SLC44A1: variants seen among roughly 807,000 people sequenced by gnomAD.
SLC44A1 encodes the protein choline transporter-like protein 1.
SLC44A1 carries 26 observed loss-of-function variants against 79.3 expected under a neutral mutation model. The observed-to-expected ratio is 0.33, with a 90% CI of 0.24 to 0.46. SLC44A1 has a LOEUF of 0.46. Ranked by LOEUF, SLC44A1 falls within the 20% of genes least tolerant of loss-of-function variation. The pLI, the probability that SLC44A1 is intolerant of heterozygous loss-of-function variation, is 1.00. For missense variants in SLC44A1, 688 were observed against 798.1 expected, an observed-to-expected ratio of 0.86 and a Z score of 1.66; for synonymous variants, 263 against 286.2, an observed-to-expected ratio of 0.92 and a Z score of 0.82.
chr9:105,431,003 A>T (rs1238568717), intron 15 of SLC44A1, among the ~76,000 whole-genome samples: 1 of 152,104 alleles, frequency 6.6e-6, no homozygotes, highest in Admixed American at 6.6e-5. Context: ...TTTGTTTTGC[A>T]TTTTCCTTAT....
intron 1 of SLC44A1, among the ~76,000 whole-genome samples, chr9:105,273,553 T>C (rs140307233): frequency 6.6e-6 from 1 of 152,356 alleles, no homozygotes; most frequent in African/African-American, 2.4e-5. Context: ...GATGCTGGGC[T>C]CTTATATCAT....
intron 2 of SLC44A1, among the ~76,000 whole-genome samples, chr9:105,307,096 A>G (rs973004490): frequency 2.0e-5 from 3 of 152,130 alleles, no homozygotes; most frequent in East Asian, 1.9e-4. Context: ...CCTAACAGCT[A>G]CCATTTATTG....
intron 3 of SLC44A1, among the ~76,000 whole-genome samples, chr9:105,322,729 T>C (rs1359483616): frequency 6.6e-6 from 1 of 152,204 alleles, no homozygotes. Flanking sequence ...TGAAGAAAGC[T>C]ACATTTAGAT....
chr9:105,365,585 A>T lies in SLC44A1; in HGVS notation c.1356A>T (p.Leu452Phe). Reference protein sequence around the residue: ...TVAKGSFIITLVKIPRMILMY... With the variant: ...TVAKGSFIITFVKIPRMILMY... Reference sequence around the variant, plus strand: ...CAAAAGGATCTTTCATTATCACATTAGTCAAAATTCCGCGAATGATCCTTA... The same window carrying T: ...CAAAAGGATCTTTCATTATCACATTTGTCAAAATTCCGCGAATGATCCTTA... Residue 452 changes from leucine (L) to phenylalanine (F), a missense_variant, in exon 11 of 16, where the codon TTA (leucine) becomes TTT (phenylalanine). Leu to Phe is a conservative substitution (Grantham distance 22). Transcript: ENST00000374720. The T allele has an allele frequency of 6.2e-7, 1 of 1,613,736 alleles. No individual in the cohort carries two copies. The highest frequency in any genetic ancestry group is 8.5e-7 in the Non-Finnish European group (1 of 1,179,646).
chr9:105,342,665 A>G (rs949905740), intron 4 of SLC44A1, among the ~76,000 whole-genome samples: 3 of 152,146 alleles, frequency 2.0e-5, no homozygotes, highest in African/African-American at 2.4e-5. Flanking sequence ...ACTTCACTCC[A>G]CTGTCCCCAT....
rs139615898 is a variant in SLC44A1 at position 105,356,905 on chromosome 9, T to A, written c.670+524T>A. 1.5e-3 allele frequency among the ~76,000 whole-genome samples: 222 copies of A among 152,258 alleles called. 1 individual carries two copies. The highest frequency in any genetic ancestry group is 0.014 in the Middle Eastern group (4 of 294). ...CTGAGTTTTCTAGTCAATAAATAGA[T>A]AATAAATCAAACAAAAATGTTATTT... On this transcript the variant is annotated intron_variant, in intron 6 of 15. Coordinates refer to ENST00000374720, the MANE Select transcript of SLC44A1 (RefSeq NM_080546.5).
chr9:105,395,914 G>A lies in SLC44A1; in HGVS notation c.*6858G>A, dbSNP rs1053430003. On this transcript the variant is annotated 3_prime_UTR_variant, in exon 16 of 16. Coordinates refer to ENST00000374720, the MANE Select transcript of SLC44A1 (RefSeq NM_080546.5). Reference sequence around the variant, plus strand: ...CGGTGGTGACTTTTTTTTTTTTTTTGTAAATTGTATTAGATACCCCACAGG... The same window carrying A: ...CGGTGGTGACTTTTTTTTTTTTTTTATAAATTGTATTAGATACCCCACAGG... The A allele has an allele frequency of 1.2e-6, 1 of 860,282 alleles. No homozygotes were observed. Among genetic ancestry groups the A allele is most frequent in the Non-Finnish European group, 1.3e-6 (1 of 743,692 alleles). 53.3% of individuals were successfully genotyped at this position (860,282 alleles called of 1,614,324 possible).
chr9:105,292,617 A>G (rs1456992342), intron 1 of SLC44A1, among the ~76,000 whole-genome samples: 1 of 152,214 alleles, frequency 6.6e-6, no homozygotes, highest in African/African-American at 2.4e-5. Context: ...CTGAAAGATC[A>G]TTTTAATGTT....
At chr9:105,419,014 G>A (rs1236517694) in intron 15 of SLC44A1, among the ~76,000 whole-genome samples, 1 of 152,156 alleles carries the variant, frequency 6.6e-6, no homozygotes, top group African/African-American at 2.4e-5. Context: ...ATGCCAAGAT[G>A]TTGGCAGATT....
chr9:105,356,472 A>G, intron 6 of SLC44A1, 91 bp downstream of exon 6: 1 of 820,538 alleles, frequency 1.2e-6, no homozygotes, highest in Non-Finnish European at 1.9e-6. Context: ...AACTGGGGAT[A>G]CTTGTAAAAT....
chr9:105,346,501 G>C lies in SLC44A1; in HGVS notation c.407-1857G>C, dbSNP rs190505199. ...TCTTGGACTCTGAAAGAAATAAGTT[G>C]ACAATTCAGATCAGGAAGTTGATAA... On this transcript the variant is annotated intron_variant, in intron 4 of 15. Coordinates refer to ENST00000374720, the MANE Select transcript of SLC44A1 (RefSeq NM_080546.5). Among the ~76,000 whole-genome samples, 16 of 152,202 alleles carry C rather than the reference G, an allele frequency of 1.1e-4. No individual in the cohort carries two copies. In the East Asian group the frequency reaches 1.5e-3, roughly 15 times the overall value.
chr9:105,348,664 T>C (rs1827313851), intron 5 of SLC44A1, among the ~76,000 whole-genome samples: 1 of 152,088 alleles, frequency 6.6e-6, no homozygotes, highest in African/African-American at 2.4e-5. Context: ...TGTTCTGACA[T>C]ATTTTAAATT....
At chr9:105,342,892 C>G (rs1827140502) in intron 4 of SLC44A1, among the ~76,000 whole-genome samples, 1 of 151,828 alleles carries the variant, frequency 6.6e-6, no homozygotes, top group South Asian at 2.1e-4. Context: ...GTATTCCCAG[C>G]CTACTGAGAG....
At chr9:105,265,319 C>T (rs1373620865) in intron 1 of SLC44A1, among the ~76,000 whole-genome samples, 1 of 152,176 alleles carries the variant, frequency 6.6e-6, no homozygotes, top group Non-Finnish European at 1.5e-5. Flanking sequence ...CACTCCTCTA[C>T]CCTTGGCAAC....
chr9:105,328,202 C>G (rs1826641372), intron 3 of SLC44A1, among the ~76,000 whole-genome samples: 1 of 152,122 alleles, frequency 6.6e-6, no homozygotes, highest in South Asian at 2.1e-4. Flanking sequence ...TATCTCTGCC[C>G]TGTTGGAGCT....
intron 13 of SLC44A1, 54 bp from the exon 14 acceptor site, chr9:105,383,069 G>A: frequency 1.6e-6 from 2 of 1,253,048 alleles, no homozygotes; most frequent in African/African-American, 1.5e-5. Flanking sequence ...GGTGAAAAAA[G>A]AGTGGCTTTC....
intron 3 of SLC44A1, among the ~76,000 whole-genome samples, chr9:105,324,544 C>T (rs944007077): frequency 6.6e-6 from 1 of 152,130 alleles, no homozygotes; most frequent in African/African-American, 2.4e-5. Flanking sequence ...TGAGCCACCA[C>T]GCCTGGCCTC....
chr9:105,277,505 A>C (rs1830235731), intron 1 of SLC44A1, among the ~76,000 whole-genome samples: 2 of 152,214 alleles, frequency 1.3e-5, no homozygotes, highest in Non-Finnish European at 2.9e-5. Flanking sequence ...AGGTAGCACA[A>C]GATCCAGTGG....
At position 105,395,966 on chromosome 9, in the gene SLC44A1, G is replaced by C; in HGVS notation, c.*6910G>C. On this transcript the variant is annotated 3_prime_UTR_variant, in exon 16 of 16. Coordinates refer to ENST00000374720, the MANE Select transcript of SLC44A1 (RefSeq NM_080546.5). Reference sequence around the variant, plus strand: ...ATGTGACAATAATAGGATAGCTTTGGGGGCTGGTGATTTGAAACAGGGACT... The same window carrying C: ...ATGTGACAATAATAGGATAGCTTTGCGGGCTGGTGATTTGAAACAGGGACT... The C allele has an allele frequency of 1.0e-6, 1 of 984,584 alleles. No homozygotes were observed. The highest frequency in any genetic ancestry group is 1.2e-6 in the Non-Finnish European group (1 of 829,552). 61.0% of individuals were successfully genotyped at this position (984,584 alleles called of 1,614,324 possible). A position where few individuals can be genotyped will look rare whatever the true frequency, so the allele number is the denominator to read the frequency against.
Sources: allele counts gnomAD v4.1 joint callset (sites outside exome capture counted in the v4.1 genomes callset), GRCh38; gene constraint gnomAD v4.1.1; transcripts MANE v1.5; gene names NCBI Gene and HGNC (gene_info 2026-07-23, HGNC 2026-07-21).